Variants in HBS1L observed in about 807,000 individuals in gnomAD.
HBS1L encodes HBS1-like protein.
A neutral mutation model predicts 88.9 loss-of-function variants in HBS1L; 55 were observed. The observed-to-expected ratio is 0.62, with a 90% confidence interval of 0.50 to 0.77. The LOEUF is 0.77. Ranked by LOEUF, HBS1L falls within the 30% of genes least tolerant of loss-of-function variation. The pLI, the probability that HBS1L is intolerant of heterozygous loss-of-function variation, is 0.00. For missense variants in HBS1L, 741 were observed against 829.3 expected (o/e 0.89, Z 1.31); for synonymous variants, 267 against 288.5 (o/e 0.93, Z 0.76).
At chr6:135,035,750 C>CAAAAAAAAAAAAAAAAAAAAAAAAA (rs34517904) in intron 4 of HBS1L, 2 of 71,084 alleles carry the variant, frequency 2.8e-5, no homozygotes, top group Non-Finnish European at 4.5e-5. Context: ...GACTCTGTCT[C>CAAAAAAAAAAAAAAAAAAAAAAAAA]AAAAAAAAAA....
At chr6:134,982,150 C>T (rs1774848082) in intron 13 of HBS1L, 1 of 193,086 alleles carries the variant, frequency 5.2e-6, no homozygotes. Context: ...GAATATTATT[C>T]CAAATACATC....
intron 12 of HBS1L, among the ~76,000 whole-genome samples, chr6:134,984,266 T>C (rs1006138571): frequency 5.3e-5 from 8 of 152,348 alleles, no homozygotes; most frequent in African/African-American, 1.7e-4. Flanking sequence ...TTTCATTGCA[T>C]GATTTTTTCA....
chr6:135,049,237 C>A (rs1167071258), intron 2 of HBS1L, among the ~76,000 whole-genome samples: 1 of 152,170 alleles, frequency 6.6e-6, no homozygotes, highest in African/African-American at 2.4e-5. Flanking sequence ...CAGACAGCAC[C>A]TACTTGCTGT....
rs185842117 is a variant in HBS1L, at chr6:134,993,686, T to C, written c.1083+72A>G. 28 of 588,858 alleles carry C rather than the reference T, an allele frequency of 4.8e-5. No homozygotes were observed. The South Asian group carries it at 7.4e-4, about 16-fold the overall frequency. The allele number at this position is 588,858 out of a possible 1,614,324, so 36.5% of individuals were successfully genotyped here. ...TATTTTAAAAGTCAAAATCCTAGAA[T>C]TGTAACCTCAGCATCAGAAAATTTT... On this transcript the variant is annotated intron_variant, in intron 8 of 17. Transcript: ENST00000367837.
chr6:135,037,555 T>G (rs1277270373), intron 4 of HBS1L: 7 of 1,550,232 alleles, frequency 4.5e-6, no homozygotes, highest in Non-Finnish European at 5.2e-6. Flanking sequence ...TGAATTATTT[T>G]GAATATATAA....
chr6:134,998,179 C>T (rs1775345000), intron 5 of HBS1L, among the ~76,000 whole-genome samples: 1 of 152,168 alleles, frequency 6.6e-6, no homozygotes, highest in African/African-American at 2.4e-5. Context: ...ATTAATTCAA[C>T]AAACACTTGA....
chr6:135,005,794 C>A (rs1057267600), intron 4 of HBS1L, among the ~76,000 whole-genome samples: 3 of 152,164 alleles, frequency 2.0e-5, no homozygotes, highest in Non-Finnish European at 4.4e-5. Context: ...CAATAGAAGG[C>A]AGCTTTGCAT....
intron 8 of HBS1L, among the ~76,000 whole-genome samples, chr6:134,989,055 C>T (rs1019106549): frequency 2.6e-5 from 4 of 152,172 alleles, no homozygotes; most frequent in Non-Finnish European, 5.9e-5. Context: ...AGAAAGCTAA[C>T]CTCAGCTTAG....
At chr6:134,987,178 A>C (rs1232016780) in intron 9 of HBS1L, among the ~76,000 whole-genome samples, 1 of 152,088 alleles carries the variant, frequency 6.6e-6, no homozygotes, top group Admixed American at 6.6e-5. Flanking sequence ...TCTTTATCTA[A>C]GGATTATCAA....
chr6:135,046,767 G>C (rs1776926178), intron 2 of HBS1L, among the ~76,000 whole-genome samples: 1 of 152,190 alleles, frequency 6.6e-6, no homozygotes, highest in Non-Finnish European at 1.5e-5. Flanking sequence ...AATTGATAAA[G>C]TCTTTCAATT....
At position 134,980,807 on chromosome 6, in the gene HBS1L, C is replaced by A. The variant is rs1774808020; in HGVS notation, c.1598-1539G>T. ...TCTATTTGTTGGTAGTAGATTCAGT[C>A]AAGTCTTTCTTTTGGGACAGTACTG... On this transcript the variant is annotated intron_variant, in intron 13 of 17. Coordinates refer to ENST00000367837, the MANE Select transcript of HBS1L (RefSeq NM_006620.4). Among the ~76,000 whole-genome samples, 5 of 151,490 alleles carry A rather than the reference C, an allele frequency of 3.3e-5. No homozygotes were observed. In the South Asian group the frequency reaches 1.0e-3, roughly 31 times the overall value.
At chr6:134,970,480 T>C (rs971557211) in intron 15 of HBS1L, among the ~76,000 whole-genome samples, 2 of 152,222 alleles carry the variant, frequency 1.3e-5, no homozygotes, top group African/African-American at 4.8e-5. Flanking sequence ...CCCCAGCCTC[T>C]GGTTCCTTAT....
At chr6:135,014,952 T>C (rs890774896) in intron 4 of HBS1L, among the ~76,000 whole-genome samples, 4 of 151,830 alleles carry the variant, frequency 2.6e-5, no homozygotes, top group African/African-American at 7.3e-5. Flanking sequence ...GATGGATTGC[T>C]TGAGCCCGGG....
intron 12 of HBS1L, among the ~76,000 whole-genome samples, chr6:134,985,074 A>C (rs1774940025): frequency 6.6e-6 from 1 of 152,156 alleles, no homozygotes; most frequent in South Asian, 2.1e-4. Context: ...GAGAAAAAAA[A>C]ACTATAAAGT....
Position 135,054,703 on chromosome 6 carries a change from G to A in HBS1L, c.-12C>T. The stretch of plus-strand genomic sequence containing the variant: ...CGATGCCGGGCCATGACGGCGGAGA[G>A]GGCGTTTGCCACAGCCCCTTAACTC... On this transcript the variant is annotated 5_prime_UTR_variant, in exon 1 of 18. Transcript: ENST00000367837. 5 of 1,614,186 alleles carry A rather than the reference G, an allele frequency of 3.1e-6. No individual in the cohort carries two copies. The highest frequency in any genetic ancestry group is 3.4e-6 in the Non-Finnish European group (4 of 1,180,032).
intron 8 of HBS1L, among the ~76,000 whole-genome samples, chr6:134,988,514 A>G (rs1200226334): frequency 6.6e-6 from 1 of 152,126 alleles, no homozygotes; most frequent in Non-Finnish European, 1.5e-5. Flanking sequence ...CAAGCAAGCT[A>G]TTTGCTAAAG....
At chr6:134,982,734 CTTTT>C (rs374957264) in intron 12 of HBS1L, 172 bp from the exon 13 acceptor site, 5 of 329,782 alleles carry the variant, frequency 1.5e-5, no homozygotes, top group East Asian at 9.4e-5. Flanking sequence ...CCACACTTTA[CTTTT>C]TTTTTTTGCA....
intron 4 of HBS1L, among the ~76,000 whole-genome samples, chr6:135,003,142 G>A (rs1216642446): frequency 6.6e-6 from 1 of 152,108 alleles, no homozygotes; most frequent in Non-Finnish European, 1.5e-5. Context: ...TTTCTGCACT[G>A]AGCCTTGTTC....
intron 2 of HBS1L, among the ~76,000 whole-genome samples, chr6:135,048,669 T>C (rs1776986991): frequency 2.0e-5 from 3 of 152,250 alleles, no homozygotes; most frequent in African/African-American, 7.2e-5. Flanking sequence ...GATATCCTGG[T>C]TGCACTTTTT....
Sources: allele counts gnomAD v4.1 joint callset (sites outside exome capture counted in the v4.1 genomes callset), GRCh38; gene constraint gnomAD v4.1.1; transcripts MANE v1.5; gene names NCBI Gene and HGNC (gene_info 2026-07-23, HGNC 2026-07-21).